Variants in MYO7A observed in about 807,000 individuals in gnomAD.
MYO7A encodes myosin VIIA, also known as unconventional myosin-VIIa.
In MYO7A, 210 loss-of-function variants were observed where a neutral mutation model predicts 263.8. That is an observed-to-expected ratio of 0.80 (90% confidence interval 0.71 to 0.89). MYO7A has a LOEUF of 0.89. Ranked by LOEUF, MYO7A falls within the 40% of genes least tolerant of loss-of-function variation. The pLI is 0.00. For missense variants in MYO7A, 2,820 were observed against 2,968.3 expected, an observed-to-expected ratio of 0.95 and a Z score of 1.16; for synonymous variants, 1,239 against 1,197.3, an observed-to-expected ratio of 1.03 and a Z score of -0.72.
At chr11:77,196,366 C>A (rs1172585314) in intron 32 of MYO7A, among the ~76,000 whole-genome samples, 141 of 137,374 alleles carry the variant, frequency 1.0e-3, no homozygotes, top group African/African-American at 1.0e-3. Flanking sequence ...GACTCCTTCT[C>A]AAAAAAAAAA....
chr11:77,201,562 C>T lies in MYO7A; in HGVS notation c.4967C>T (p.Thr1656Ile). 1.2e-6 allele frequency: 2 copies of T among 1,613,872 alleles called. No homozygotes were observed. Among genetic ancestry groups the T allele is most frequent in the Non-Finnish European group, 8.5e-7 (1 of 1,179,866 alleles). ...TGGGCCAACGGCATCAATGAGAGGACCAAGCAGCGTGGGGACTTCCCCACC... is the reference window on the plus strand; with the variant it reads ...TGGGCCAACGGCATCAATGAGAGGATCAAGCAGCGTGGGGACTTCCCCACC... ...SGWANGINER[T>I]KQRGDFPTDS... Residue 1656 changes from threonine (T) to isoleucine (I), a missense_variant, in exon 36 of 49, where the codon ACC (threonine) becomes ATC (isoleucine). Coordinates refer to ENST00000409709, the MANE Select transcript of MYO7A (RefSeq NM_000260.4).
At chr11:77,147,536 G>T (rs1191345279) in intron 3 of MYO7A, among the ~76,000 whole-genome samples, 1 of 152,156 alleles carries the variant, frequency 6.6e-6, no homozygotes, top group Non-Finnish European at 1.5e-5. Context: ...ACAACAGTCA[G>T]ATGGGGCCAA....
chr11:77,135,401 T>G (rs542420020), intron 2 of MYO7A, among the ~76,000 whole-genome samples: 50 of 152,368 alleles, frequency 3.3e-4, no homozygotes, highest in African/African-American at 1.2e-3. Flanking sequence ...TGTCAGAATT[T>G]CCTTCCGTCT....
rs782253539 is a variant in MYO7A, at chr11:77,182,428, C to T, written c.3113C>T (p.Ala1038Val). Residue 1038 changes from alanine to valine, a missense_variant, in exon 25 of 49, where the codon GCC becomes GTC. Ala to Val is a moderately conservative substitution (Grantham distance 64). Coordinates refer to ENST00000409709, the MANE Select transcript of MYO7A (RefSeq NM_000260.4). ...GACATGCGCGCTCTGCCCCAGGCAG[C>T]CCTGGCGGTCTGGATCACCATCCTC... ...YHDDEGDQLAALAVWITILRF... is the reference protein window; with the variant it reads ...YHDDEGDQLAVLAVWITILRF... 6.2e-7 allele frequency: 1 copy of T among 1,604,106 alleles called. No individual in the cohort carries two copies. Among genetic ancestry groups the T allele is most frequent in the Admixed American group, 1.7e-5 (1 of 59,532 alleles).
intron 12 of MYO7A, among the ~76,000 whole-genome samples, 165 bp from the exon 13 acceptor site, chr11:77,161,955 G>A (rs1443642013): frequency 1.3e-5 from 2 of 152,188 alleles, no homozygotes; most frequent in African/African-American, 2.4e-5. Flanking sequence ...GTCCTCCTCT[G>A]CACCTGGAGG....
At chr11:77,157,217 G>A (rs1952559101) in intron 7 of MYO7A, 62 bp from the exon 8 acceptor site, 6 of 1,432,062 alleles carry the variant, frequency 4.2e-6, no homozygotes, top group East Asian at 4.8e-5. Context: ...TCCCAGGCTA[G>A]TTCCTGATGG....
At position 77,197,536 on chromosome 11, in the gene MYO7A, G is replaced by C. The variant is rs746713762; in HGVS notation, c.4379G>C (p.Ser1460Thr). ...DAQKVKEDVV[S>T]YARFKWPLLF... ...CAGAAGGTCAAAGAGGATGTGGTCA[G>C]TTATGCCCGCTTCAAGTGGCCCTTG... The change falls in exon 33 of 49, where the codon AGT becomes ACT. Residue 1460 changes from serine (S) to threonine (T), a missense_variant. By Grantham distance (58) the Ser-to-Thr change is moderately conservative (BLOSUM62 1). Transcript: ENST00000409709. 1.2e-5 allele frequency: 20 copies of C among 1,608,700 alleles called. No individual in the cohort carries two copies. Among genetic ancestry groups the C allele is most frequent in the Non-Finnish European group, 1.6e-5 (19 of 1,177,556 alleles).
intron 19 of MYO7A, among the ~76,000 whole-genome samples, chr11:77,178,261 A>C (rs1167679525): frequency 0.012 from 203 of 17,136 alleles, no homozygotes; most frequent in African/African-American, 0.025. Flanking sequence ...ACCCGCCCAC[A>C]CACCCACCTA....
At chr11:77,172,578 G>C (rs1555076724) in intron 15 of MYO7A, among the ~76,000 whole-genome samples, 170 bp from the exon 16 acceptor site, 1 of 152,138 alleles carries the variant, frequency 6.6e-6, no homozygotes, top group African/African-American at 2.4e-5. Context: ...TGGAGTCCAG[G>C]CTCCAGCTCA....
In MYO7A at chr11:77,194,527, A is replaced by C; in HGVS notation, c.4323+3A>C. 2 of 1,588,992 alleles carry C rather than the reference A, an allele frequency of 1.3e-6. No individual in the cohort carries two copies. The highest frequency in any genetic ancestry group is 2.3e-5 in the South Asian group (2 of 86,800). On this transcript the variant is annotated splice_donor_region_variant and intron_variant, in intron 32 of 48. Coordinates refer to ENST00000409709, the MANE Select transcript of MYO7A (RefSeq NM_000260.4). ...TGGCCATCGCCGCCCACAAGAAGGT[A>C]GAAGGGCTGAGAGGAGTCCTAGAGA...
intron 2 of MYO7A, among the ~76,000 whole-genome samples, chr11:77,140,525 G>A (rs917803723): frequency 2.6e-5 from 4 of 152,212 alleles, no homozygotes; most frequent in Non-Finnish European, 5.9e-5. Context: ...AAGCGAACAC[G>A]CTCCCCACCC....
At chr11:77,193,014 T>TGG (rs1268762848) in intron 31 of MYO7A, among the ~76,000 whole-genome samples, 3 of 144,976 alleles carry the variant, frequency 2.1e-5, no homozygotes, top group African/African-American at 2.6e-5. Context: ...TTGGTGATGG[T>TGG]GGAGGTAGCG....
chr11:77,155,806 C>G (rs782148225), intron 4 of MYO7A, 101 bp from the exon 5 acceptor site: 96 of 1,319,284 alleles, frequency 7.3e-5, no homozygotes, highest in Admixed American at 2.8e-5. Context: ...AGCCAGGACT[C>G]TTCCCTCCAG....
At chr11:77,204,482 G>A (rs991976388) in intron 39 of MYO7A, among the ~76,000 whole-genome samples, 7 of 152,186 alleles carry the variant, frequency 4.6e-5, no homozygotes, top group African/African-American at 1.7e-4. Context: ...TCCTCCTAAC[G>A]TTTGGCTGGA....
chr11:77,154,416 C>A (rs1356108768), intron 4 of MYO7A, among the ~76,000 whole-genome samples: 1 of 152,168 alleles, frequency 6.6e-6, no homozygotes, highest in East Asian at 1.9e-4. Flanking sequence ...GAGAATTCAG[C>A]AGCCCTGGGC....
intron 9 of MYO7A, among the ~76,000 whole-genome samples, chr11:77,159,197 C>T (rs922637318): frequency 1.4e-4 from 22 of 152,216 alleles, no homozygotes; most frequent in East Asian, 5.8e-4. Context: ...GTCTATTCCT[C>T]GAATGCCAGG....
chr11:77,204,861 A>C (rs1167438136), intron 39 of MYO7A, among the ~76,000 whole-genome samples: 2 of 152,174 alleles, frequency 1.3e-5, no homozygotes, highest in Non-Finnish European at 2.9e-5. Flanking sequence ...ACCTTTGTAC[A>C]TACTGTGCCC....
chr11:77,174,791 G>A lies in MYO7A; in HGVS notation c.1971G>A (p.Arg657=), dbSNP rs1954476833. 1 of 1,609,340 alleles carries A rather than the reference G, an allele frequency of 6.2e-7. No individual in the cohort carries two copies. The highest frequency in any genetic ancestry group is 1.1e-5 in the South Asian group (1 of 90,108). The part of the protein sequence containing the change: ...FDRHLCVRQL[R]YSGMMETIRI... The stretch of plus-strand genomic sequence containing the variant: ...GGCACCTGTGCGTGCGCCAGCTGCG[G>A]TACTCAGGAATGATGGAGACCATCC... The change falls in exon 17 of 49, where the codon CGG becomes CGA. Residue 657 remains arginine (R), a synonymous_variant. Coordinates refer to ENST00000409709, the MANE Select transcript of MYO7A (RefSeq NM_000260.4).
chr11:77,175,267 G>A, intron 17 of MYO7A, 105 bp from the exon 18 acceptor site: 10 of 1,054,982 alleles, frequency 9.5e-6, no homozygotes, highest in Non-Finnish European at 1.3e-5. Context: ...TTCGAGTCAG[G>A]GGCAGAGCTC....
Sources: allele counts gnomAD v4.1 joint callset (sites outside exome capture counted in the v4.1 genomes callset), GRCh38; gene constraint gnomAD v4.1.1; transcripts MANE v1.5; gene names NCBI Gene and HGNC (gene_info 2026-07-23, HGNC 2026-07-21).